The following CELF2 variants were observed in gnomAD, a reference collection of about 807,000 sequenced individuals.
CELF2 encodes the protein CUG triplet repeat RNA-binding protein 2.
Under a neutral mutation model 62.6 loss-of-function variants are expected in CELF2, and 8 were observed. The ratio of observed to expected loss-of-function variants is 0.13; its 90% CI spans 0.07 to 0.23. CELF2 has a LOEUF of 0.23. Ranked by LOEUF, CELF2 falls within the 10% of genes least tolerant of loss-of-function variation. The probability of loss-of-function intolerance (pLI) is 1.00; values close to 1 mark genes in which losing one functional copy is unlikely to be tolerated. For missense variants in CELF2, 333 were observed against 671.0 expected, an observed-to-expected ratio of 0.50 and a Z score of 5.56; for synonymous variants, 258 against 250.0, an observed-to-expected ratio of 1.03 and a Z score of -0.30.
the CELF2 span, among the ~76,000 whole-genome samples, chr10:10,768,251 C>T: frequency 6.6e-6 from 1 of 152,046 alleles, no homozygotes; most frequent in African/African-American, 2.4e-5. Context: ...ACTCACCTAC[C>T]TTTCTGAGTT....
intron 2 of CELF2, among the ~76,000 whole-genome samples, chr10:11,185,485 G>T (rs1463746591): frequency 1.3e-5 from 2 of 152,154 alleles, no homozygotes; most frequent in Non-Finnish European, 2.9e-5. Context: ...CACGATCTCG[G>T]CTCCCCGCAA....
rs1289131965 is a variant in CELF2 at position 11,237,954 on chromosome 10, A to G, written c.355-11199A>G. On this transcript the variant is annotated intron_variant, in intron 3 of 12. Coordinates refer to ENST00000633077, the MANE Select transcript of CELF2 (RefSeq NM_001326342.2). This position sits in a 1 kb window ranked among gnomAD's most constrained non-coding sequence, Gnocchi z 4.0. ...ATAGAATCTAGGATTGGAAATGTAA[A>G]TGAGCCACCAGGTAATTAAACCACG... Among the ~76,000 whole-genome samples the G allele has an allele frequency of 6.6e-6, 1 of 152,246 alleles. No homozygotes were observed. The highest frequency in any genetic ancestry group is 2.4e-5 in the African/African-American group (1 of 41,474).
chr10:10,509,367 G>A, the CELF2 span, among the ~76,000 whole-genome samples: 1 of 152,208 alleles, frequency 6.6e-6, no homozygotes, highest in South Asian at 2.1e-4. Context: ...GGAACTTTAG[G>A]AGGTGACAGG....
intron 3 of CELF2, among the ~76,000 whole-genome samples, chr10:11,221,544 C>T (rs1358341431): frequency 6.6e-6 from 1 of 151,580 alleles, no homozygotes; most frequent in East Asian, 2.1e-4. Flanking sequence ...AAGGTCTTAA[C>T]ACATATTGTC....
rs1256693998 is a variant in CELF2 at position 11,319,288 on chromosome 10, A to G, written c.1097-1901A>G. ...GTTATTGTACATACCCCTCTCACCT[A>G]TCTCAAAAAACACGGAAGTTCCTTT... On this transcript the variant is annotated intron_variant, in intron 10 of 12. Coordinates refer to ENST00000633077, the MANE Select transcript of CELF2 (RefSeq NM_001326342.2). This position sits in a 1 kb window ranked among gnomAD's most constrained non-coding sequence, Gnocchi z 4.4. The G allele has an allele frequency of 2.8e-6, 1 of 357,904 alleles. No homozygotes were observed. The highest frequency in any genetic ancestry group is 5.6e-6 in the Non-Finnish European group (1 of 177,472). 22.2% of individuals were successfully genotyped at this position (357,904 alleles called of 1,614,324 possible).
chr10:10,999,439 T>C (rs1024530396), intron 2 of CELF2, among the ~76,000 whole-genome samples: 1 of 152,170 alleles, frequency 6.6e-6, no homozygotes, highest in Non-Finnish European at 1.5e-5. Flanking sequence ...ACCTGAGTAT[T>C]ATATGAGAGC....
the CELF2 span, among the ~76,000 whole-genome samples, chr10:10,551,762 G>T: frequency 6.6e-6 from 1 of 152,088 alleles, no homozygotes; most frequent in Non-Finnish European, 1.5e-5. Flanking sequence ...AAAAGGAGCA[G>T]GGTCCAGGAG....
the CELF2 span, among the ~76,000 whole-genome samples, chr10:10,710,406 A>T: frequency 2.0e-5 from 3 of 152,350 alleles, no homozygotes; most frequent in African/African-American, 7.2e-5. Context: ...TTGAAGTAGG[A>T]ATAATTACAG....
chr10:11,149,224 C>T (rs2062847804), intron 1 of CELF2, among the ~76,000 whole-genome samples: 1 of 152,166 alleles, frequency 6.6e-6, no homozygotes, highest in Admixed American at 6.5e-5. Context: ...GTGTGTGCCG[C>T]CACACCCAGC....
the CELF2 span, among the ~76,000 whole-genome samples, chr10:10,571,949 C>T: frequency 2.0e-5 from 3 of 152,112 alleles, no homozygotes; most frequent in Non-Finnish European, 2.9e-5. Context: ...CAGCAATACT[C>T]TTATTGCTGT....
the CELF2 span, among the ~76,000 whole-genome samples, chr10:10,580,533 C>A: frequency 6.6e-6 from 1 of 152,310 alleles, no homozygotes; most frequent in East Asian, 1.9e-4. Context: ...TGACCCGGCA[C>A]TAACCAACTG....
At chr10:10,512,252 C>T in the CELF2 span, among the ~76,000 whole-genome samples, 1 of 152,182 alleles carries the variant, frequency 6.6e-6, no homozygotes, top group East Asian at 1.9e-4. Context: ...CTGATGGCAA[C>T]ATCTGTTGTG....
intron 1 of CELF2, among the ~76,000 whole-genome samples, chr10:10,831,591 G>A (rs900889300): frequency 6.6e-6 from 1 of 152,208 alleles, no homozygotes; most frequent in Middle Eastern, 3.2e-3. Flanking sequence ...CTTGCAGCCT[G>A]ATCTCCACCT....
the CELF2 span, among the ~76,000 whole-genome samples, chr10:10,498,926 C>T: frequency 1.3e-5 from 2 of 152,164 alleles, no homozygotes; most frequent in Non-Finnish European, 2.9e-5. Context: ...CACACTTGGG[C>T]ATTTTTCCAG....
rs75526102 is a variant in CELF2 at position 10,824,756 on chromosome 10, C to A, written c.53+25939C>A. ...AGAGGTCAGCTCAGATATGCGCTTG[C>A]ACATTCAAGCTGCCAAAAAACATAA... On this transcript the variant is annotated intron_variant, in intron 1 of 13. Transcript: ENST00000636488. Among the ~76,000 whole-genome samples the A allele has an allele frequency of 2.0e-5, 3 of 152,352 alleles. No homozygotes were observed. The East Asian group carries it at 5.8e-4, about 29-fold the overall frequency.
At chr10:10,529,419 G>T in the CELF2 span, among the ~76,000 whole-genome samples, 2 of 152,142 alleles carry the variant, frequency 1.3e-5, no homozygotes, top group African/African-American at 2.4e-5. Flanking sequence ...GGGCACAGTG[G>T]CTCACACCTA....
At chr10:10,777,469 C>G in the CELF2 span, among the ~76,000 whole-genome samples, 3 of 152,194 alleles carry the variant, frequency 2.0e-5, no homozygotes, top group African/African-American at 7.2e-5. Flanking sequence ...ACCCCTCTAT[C>G]TCCTTCATCC....
chr10:10,864,240 AT>A (rs200355480), intron 1 of CELF2, among the ~76,000 whole-genome samples: 15,826 of 148,298 alleles, frequency 0.11, 923 homozygotes, highest in East Asian at 0.23. Flanking sequence ...ACATCAGGGC[AT>A]TTTTTTTTTT....
chr10:10,945,499 C>A (rs1156625802), intron 2 of CELF2, among the ~76,000 whole-genome samples: 1 of 152,190 alleles, frequency 6.6e-6, no homozygotes, highest in Non-Finnish European at 1.5e-5. Flanking sequence ...CAGTTTACAC[C>A]ACACTGTGTG....
Sources: gnomAD v4.1 joint callset for allele counts (sites outside exome capture counted in the v4.1 genomes callset) on GRCh38, gnomAD v4.1.1 for gene constraint, Gnocchi (gnomAD v3.1) non-coding constraint, MANE v1.5 for transcripts, NCBI Gene and HGNC (gene_info 2026-07-23, HGNC 2026-07-21) for gene names.